The following KLHL32 variants were observed in gnomAD, a reference collection of about 807,000 sequenced individuals.
KLHL32 encodes kelch-like protein 32.
In KLHL32, 35 loss-of-function variants were observed where a neutral mutation model predicts 64.8. The ratio of observed to expected loss-of-function variants is 0.54; its 90% confidence interval spans 0.41 to 0.72. The LOEUF (loss-of-function observed/expected upper bound fraction) is 0.72. Ranked by LOEUF, KLHL32 falls within the 30% of genes least tolerant of loss-of-function variation. KLHL32 has a pLI of 0.00. For synonymous variants in KLHL32, 259 were observed against 281.0 expected, an observed-to-expected ratio of 0.92 and a Z score of 0.78; for missense variants, 589 against 768.5, an observed-to-expected ratio of 0.77 and a Z score of 2.76.
upstream of KLHL32, among the ~76,000 whole-genome samples, chr6:96,921,497 A>G (rs1007277943): frequency 6.6e-6 from 1 of 152,204 alleles, no homozygotes. Flanking sequence ...AAAACTAGAG[A>G]ACATCAGCCA....
At chr6:97,106,463 C>T (rs1796418377) in intron 6 of KLHL32, among the ~76,000 whole-genome samples, 1 of 152,026 alleles carries the variant, frequency 6.6e-6, no homozygotes, top group Non-Finnish European at 1.5e-5. Context: ...AAAAAATAGA[C>T]CGGGTGCAGT....
intron 1 of KLHL32, among the ~76,000 whole-genome samples, chr6:96,958,158 C>T (rs923209186): frequency 1.3e-5 from 2 of 152,130 alleles, no homozygotes; most frequent in African/African-American, 4.8e-5. Flanking sequence ...AAAACATAAC[C>T]ATTCCAGAAT....
chr6:97,042,611 CACCT>C (rs55820737), intron 4 of KLHL32, among the ~76,000 whole-genome samples: 42,284 of 151,816 alleles, frequency 0.28, 8,070 homozygotes, highest in African/African-American at 0.54. Context: ...TTTATCACCT[CACCT>C]ACCTACCTAT....
intron 7 of KLHL32, among the ~76,000 whole-genome samples, chr6:97,126,564 G>A (rs1292502842): frequency 2.0e-5 from 3 of 152,008 alleles, no homozygotes; most frequent in Non-Finnish European, 2.9e-5. Context: ...CTTCAAAAGA[G>A]TACACCACAA....
chr6:97,132,837 T>C (rs1582279984), intron 10 of KLHL32, 90 bp downstream of exon 10: 3 of 926,962 alleles, frequency 3.2e-6, no homozygotes, highest in East Asian at 2.6e-5. Flanking sequence ...GAGATATTTA[T>C]GTTTAGAAAG....
intron 3 of KLHL32, among the ~76,000 whole-genome samples, chr6:97,008,509 A>T (rs1402919983): frequency 6.6e-6 from 1 of 151,758 alleles, no homozygotes; most frequent in Non-Finnish European, 1.5e-5. Flanking sequence ...GCTGTGCTCC[A>T]TTGCAGCCAC....
rs9481148 is a variant in KLHL32, at chr6:96,972,810, C to T, written c.24-3187C>T. On this transcript the variant is annotated intron_variant, in intron 2 of 10. Transcript: ENST00000369261. ...TGTTTGCAAGCATGTGTCTGCTCCC[C>T]ATTTTAATTTAGACATAGTGCATTA... Among the ~76,000 whole-genome samples, 520 of 152,304 alleles carry T rather than the reference C, an allele frequency of 3.4e-3. 3 individuals are homozygous for T. The highest frequency in any genetic ancestry group is 0.012 in the African/African-American group (489 of 41,566).
chr6:97,063,150 G>A (rs1215060826), intron 4 of KLHL32, among the ~76,000 whole-genome samples: 1 of 152,224 alleles, frequency 6.6e-6, no homozygotes, highest in African/African-American at 2.4e-5. Flanking sequence ...CAGATAGTGT[G>A]AGTGGACAAA....
intron 6 of KLHL32, among the ~76,000 whole-genome samples, chr6:97,100,965 G>GTTTTTTTTT (rs1562337104): frequency 2.3e-5 from 1 of 43,250 alleles, no homozygotes; most frequent in African/African-American, 1.1e-4. Context: ...CTGCAGCCAA[G>GTTTTTTTTT]CTTTTTTTTT....
intron 1 of KLHL32, among the ~76,000 whole-genome samples, chr6:96,942,170 T>A (rs906704801): frequency 3.3e-5 from 5 of 152,204 alleles, no homozygotes; most frequent in Admixed American, 1.3e-4. Flanking sequence ...AGTCACTGTT[T>A]GTTAGCTTAG....
upstream of KLHL32, among the ~76,000 whole-genome samples, chr6:96,923,803 T>G (rs1768845719): frequency 1.3e-5 from 2 of 152,244 alleles, no homozygotes; most frequent in South Asian, 4.1e-4. Flanking sequence ...CTCTTCCTGC[T>G]TCTGGTGTCT....
intron 4 of KLHL32, among the ~76,000 whole-genome samples, chr6:97,052,107 T>C (rs1787009484): frequency 6.6e-6 from 1 of 152,196 alleles, no homozygotes; most frequent in South Asian, 2.1e-4. Flanking sequence ...CCTAACCATA[T>C]GTAAAAGAAC....
At chr6:96,944,821 A>C (rs914266379) in intron 1 of KLHL32, among the ~76,000 whole-genome samples, 58 of 152,336 alleles carry the variant, frequency 3.8e-4, no homozygotes, top group African/African-American at 1.3e-3. Flanking sequence ...AAATAAAAGA[A>C]ATACTGTCTT....
chr6:97,000,779 A>G (rs1778928499), intron 3 of KLHL32, among the ~76,000 whole-genome samples: 1 of 152,214 alleles, frequency 6.6e-6, no homozygotes, highest in African/African-American at 2.4e-5. Context: ...AATGTGAAGC[A>G]ACGAAGATGT....
At chr6:96,920,571 TAC>T (rs141229379), upstream of KLHL32, among the ~76,000 whole-genome samples, 23 of 149,748 alleles carry the variant, frequency 1.5e-4, no homozygotes, top group Non-Finnish European at 2.1e-4. Context: ...CACACACAAT[TAC>T]ACACACACAC....
intron 4 of KLHL32, among the ~76,000 whole-genome samples, chr6:97,061,911 C>G (rs1195188133): frequency 2.0e-5 from 3 of 152,162 alleles, no homozygotes; most frequent in Non-Finnish European, 4.4e-5. Context: ...TCAAAAGCCT[C>G]TGGTACAGTG....
intron 5 of KLHL32, among the ~76,000 whole-genome samples, chr6:97,069,966 A>T (rs1453354286): frequency 1.3e-5 from 2 of 151,980 alleles, no homozygotes; most frequent in African/African-American, 4.8e-5. Context: ...TTAAATTAAG[A>T]GTATCACCCA....
At chr6:97,131,745 G>T (rs1164492849) in intron 9 of KLHL32, among the ~76,000 whole-genome samples, 3 of 152,138 alleles carry the variant, frequency 2.0e-5, no homozygotes, top group Admixed American at 1.3e-4. Flanking sequence ...AGCTGCTGCT[G>T]GGGGAGGCAA....
At chr6:96,980,879 G>T (rs1453759244) in intron 3 of KLHL32, among the ~76,000 whole-genome samples, 1 of 152,056 alleles carries the variant, frequency 6.6e-6, no homozygotes, top group African/African-American at 2.4e-5. Flanking sequence ...AAAGGAAAGA[G>T]ATTTAATTGA....
Sources: gnomAD v4.1 joint callset for allele counts (sites outside exome capture counted in the v4.1 genomes callset) on GRCh38, gnomAD v4.1.1 for gene constraint, MANE v1.5 for transcripts, NCBI Gene and HGNC (gene_info 2026-07-23, HGNC 2026-07-21) for gene names.